PAK6: variants seen among roughly 807,000 people sequenced by gnomAD.
PAK6 encodes serine/threonine-protein kinase PAK 6.
In PAK6, 33 loss-of-function variants were observed where a neutral mutation model predicts 60.8. The ratio of observed to expected loss-of-function variants is 0.54; its 90% CI spans 0.41 to 0.73. The LOEUF (loss-of-function observed/expected upper bound fraction) is 0.73. Among genes scored for constraint, PAK6 ranks in the 30% least tolerant of loss-of-function variants. PAK6 has a pLI of 0.00. For missense variants in PAK6, 845 were observed against 904.1 expected (o/e 0.93, Z 0.84); for synonymous variants, 404 against 378.5 (o/e 1.07, Z -0.78).
At chr15:40,257,578 ATGC>A in intron 3 of PAK6, among the ~76,000 whole-genome samples, 1 of 152,376 alleles carries the variant, frequency 6.6e-6, no homozygotes, top group South Asian at 2.1e-4. Context: ...AGTTCTGGAA[ATGC>A]CAGAGCATGT....
At chr15:40,252,391 G>A (rs376088458) in intron 2 of PAK6, 23 of 1,333,716 alleles carry the variant, frequency 1.7e-5, no homozygotes, top group Non-Finnish European at 2.2e-5. Flanking sequence ...GCGAAGGGCG[G>A]GCGGGAACTG....
intron 10 of PAK6, 68 bp downstream of exon 10, chr15:40,274,344 G>A: frequency 6.7e-7 from 1 of 1,482,650 alleles, no homozygotes; most frequent in South Asian, 1.3e-5. Context: ...ACCAGAACCT[G>A]GGCTCCCAGC....
chr15:40,240,762 C>T, intron 2 of PAK6, 81 bp downstream of exon 2: 1 of 399,332 alleles, frequency 2.5e-6, no homozygotes, highest in Non-Finnish European at 5.0e-6. Flanking sequence ...TGCCTCCCAC[C>T]TGGGACAGGG....
chr15:40,270,294 C>A (rs1301787458), intron 5 of PAK6, among the ~76,000 whole-genome samples: 1 of 152,184 alleles, frequency 6.6e-6, no homozygotes, highest in African/African-American at 2.4e-5. Flanking sequence ...CCCAGAGGCT[C>A]CCTGAGGCCG....
intron 2 of PAK6, chr15:40,251,182 G>C (rs567280750): frequency 6.6e-6 from 1 of 152,546 alleles, no homozygotes; most frequent in African/African-American, 2.4e-5. Flanking sequence ...GAGGAGAACA[G>C]AAACTAAATA....
Position 40,264,696 on chromosome 15 carries a change from G to C in PAK6, c.-5-85G>C, listed in dbSNP as rs527568311. 3.3e-4 allele frequency: 367 copies of C among 1,124,358 alleles called. 3 individuals carry two copies. The highest frequency in any genetic ancestry group is 2.0e-3 in the Middle Eastern group (10 of 4,930). 69.6% of individuals were successfully genotyped at this position (1,124,358 alleles called of 1,614,324 possible). ...AGGGGAGCTGTGCTGGGGGAGGGGA[G>C]GGAGCCCTGAACCTGGTGCCCCAGG... On this transcript the variant is annotated intron_variant, in intron 3 of 10. Transcript: ENST00000560346.
In PAK6 at chr15:40,261,914, GCTCA is replaced by G. The variant is rs551869683; in HGVS notation, c.-5-2864_-5-2861del. ...TCTGGGAAGAACTTGTTCCGGAATG[GCTCA>G]CTATTAGAATGGACTCAAGAGAGGC... On this transcript the variant is annotated intron_variant, in intron 3 of 10. Transcript: ENST00000560346. Among the ~76,000 whole-genome samples the G allele has an allele frequency of 5.5e-3, 840 of 152,280 alleles. 11 individuals carry two copies. The highest frequency in any genetic ancestry group is 0.019 in the African/African-American group (779 of 41,554).
At chr15:40,266,086 G>T in exon 5 of PAK6, 1 of 1,609,880 alleles carries the variant, frequency 6.2e-7, no homozygotes, top group Middle Eastern at 1.7e-4. Flanking sequence ...TGCAACGGGG[G>T]CACACCAGCA....
chr15:40,274,305 G>T, intron 10 of PAK6, 29 bp downstream of exon 10: 1 of 1,562,404 alleles, frequency 6.4e-7, no homozygotes, highest in Non-Finnish European at 8.7e-7. Flanking sequence ...GTGCGACCTC[G>T]CAGACCCCAT....
chr15:40,269,803 C>T (rs1007557863), intron 5 of PAK6, among the ~76,000 whole-genome samples: 1 of 152,190 alleles, frequency 6.6e-6, no homozygotes, highest in African/African-American at 2.4e-5. Context: ...GCCCTGAGCC[C>T]AGCCAGCACC....
chr15:40,252,234 G>A (rs1171234255), intron 2 of PAK6: 2 of 1,188,398 alleles, frequency 1.7e-6, no homozygotes, highest in South Asian at 1.5e-5. Flanking sequence ...CGCGGCTCTG[G>A]AGCGTGCATC....
chr15:40,256,793 A>C (rs2038846518), intron 3 of PAK6: 1 of 152,180 alleles, frequency 6.6e-6, no homozygotes, highest in African/African-American at 2.4e-5. Context: ...CGAGGAGATC[A>C]CATGTGTGAA....
intron 2 of PAK6, among the ~76,000 whole-genome samples, chr15:40,249,114 T>C (rs376979063): frequency 4.7e-4 from 72 of 152,284 alleles, no homozygotes; most frequent in African/African-American, 1.6e-3. Context: ...GCTGGCTGTC[T>C]TTTTGCTATA....
chr15:40,241,063 C>G (rs1202014556), intron 2 of PAK6, among the ~76,000 whole-genome samples: 6 of 152,192 alleles, frequency 3.9e-5, no homozygotes, highest in Non-Finnish European at 8.8e-5. Context: ...GGCTCCAAGT[C>G]ACACCCTTTG....
intron 2 of PAK6, among the ~76,000 whole-genome samples, chr15:40,240,986 A>G (rs1360683439): frequency 2.0e-5 from 3 of 151,918 alleles, no homozygotes; most frequent in Non-Finnish European, 4.4e-5. Flanking sequence ...CTCTCACTTT[A>G]CCACCTCTGG....
At chr15:40,268,126 G>A (rs1274451056) in intron 5 of PAK6, among the ~76,000 whole-genome samples, 1 of 152,128 alleles carries the variant, frequency 6.6e-6, no homozygotes, top group Admixed American at 6.5e-5. Flanking sequence ...TAGTTATCTC[G>A]AGCTCAGCAA....
At chr15:40,267,423 C>T (rs1283171152) in intron 5 of PAK6, among the ~76,000 whole-genome samples, 2 of 152,126 alleles carry the variant, frequency 1.3e-5, no homozygotes, top group African/African-American at 2.4e-5. Context: ...TTTGGGAGGC[C>T]AAGGTGGATG....
chr15:40,254,613 T>C (rs1416506333), intron 3 of PAK6, among the ~76,000 whole-genome samples: 2 of 152,168 alleles, frequency 1.3e-5, no homozygotes, highest in Non-Finnish European at 2.9e-5. Flanking sequence ...TCCAGTCCCA[T>C]CTCTGTTCTG....
chr15:40,269,496 G>A (rs1205007134), intron 5 of PAK6, among the ~76,000 whole-genome samples: 1 of 152,230 alleles, frequency 6.6e-6, no homozygotes, highest in East Asian at 1.9e-4. Context: ...TATCACATGA[G>A]TAACTTCAGA....
Sources: gnomAD v4.1 joint callset for allele counts (sites outside exome capture counted in the v4.1 genomes callset) on GRCh38, gnomAD v4.1.1 for gene constraint, MANE v1.5 for transcripts, NCBI Gene and HGNC (gene_info 2026-07-23, HGNC 2026-07-21) for gene names.